The following PLEKHG4B variants were observed in gnomAD, a reference collection of about 807,000 sequenced individuals.
PLEKHG4B encodes pleckstrin homology domain-containing family G member 4B.
A neutral mutation model predicts 121.3 loss-of-function variants in PLEKHG4B; 111 were observed. That is an observed-to-expected ratio of 0.92 (90% CI 0.78 to 1.07). The LOEUF (loss-of-function observed/expected upper bound fraction) is 1.07. Ranked by LOEUF, PLEKHG4B falls within the 50% of genes least tolerant of loss-of-function variation. The pLI is 0.00. For synonymous variants in PLEKHG4B, 738 were observed against 725.0 expected, an observed-to-expected ratio of 1.02 and a Z score of -0.29; for missense variants, 1,831 against 1,757.8, an observed-to-expected ratio of 1.04 and a Z score of -0.74.
chr5:180,625 T>C (rs1736901624), intron 18 of PLEKHG4B, among the ~76,000 whole-genome samples: 1 of 152,228 alleles, frequency 6.6e-6, no homozygotes, highest in African/African-American at 2.4e-5. Context: ...TTCTGGTTGT[T>C]CTTGGCCGTG....
At chr5:124,493 C>G (rs538751408) in intron 2 of PLEKHG4B, among the ~76,000 whole-genome samples, 66 of 152,284 alleles carry the variant, frequency 4.3e-4, no homozygotes, top group African/African-American at 1.5e-3. Context: ...ATTGAAGTCT[C>G]CAACAATTAT....
rs767955014 is a variant in PLEKHG4B, at chr5:143,471, C to G, written c.1779C>G (p.Thr593=). ...TREHSSCAEL[T]RLLLYFHSIP... ...AACACTCGTCCTGTGCTGAGCTGAC[C>G]CGCCTGCTGCTGTACTTCCATAGCA... The change falls in exon 5 of 20, where the codon ACC becomes ACG. Residue 593 remains threonine, a synonymous_variant. Transcript: ENST00000637938. 2.5e-6 allele frequency: 4 copies of G among 1,612,772 alleles called. No homozygotes were observed. The highest frequency in any genetic ancestry group is 2.7e-5 in the African/African-American group (2 of 74,934).
At chr5:181,392 G>T in intron 18 of PLEKHG4B, 122 bp from the exon 19 acceptor site, 1 of 1,017,404 alleles carries the variant, frequency 9.8e-7, no homozygotes, top group South Asian at 1.7e-5. Context: ...TCGTGGGGCA[G>T]GGTGGGTATA....
At chr5:110,201 A>C (rs1456895625) in intron 1 of PLEKHG4B, among the ~76,000 whole-genome samples, 1 of 145,352 alleles carries the variant, frequency 6.9e-6, no homozygotes, top group Admixed American at 6.9e-5. Flanking sequence ...GCACATGCAC[A>C]CATCCATACA....
intron 2 of PLEKHG4B, among the ~76,000 whole-genome samples, chr5:119,663 T>C (rs1276170202): frequency 6.6e-6 from 1 of 152,164 alleles, no homozygotes; most frequent in African/African-American, 2.4e-5. Flanking sequence ...GGAGAGACAG[T>C]GCCGTCCTAA....
In PLEKHG4B at chr5:153,145, T is replaced by G. The variant is rs377014253; in HGVS notation, c.1992+1546T>G. Among the ~76,000 whole-genome samples, 24 of 152,368 alleles carry G rather than the reference T, an allele frequency of 1.6e-4. No homozygotes were observed. In the East Asian group the frequency reaches 1.9e-3, roughly 12 times the overall value. ...ATTTCCAATGGATTTTAAAATATAT[T>G]TTCTACATCTCTCCTGAGTTTTCCT... On this transcript the variant is annotated intron_variant, in intron 7 of 19. Coordinates refer to ENST00000637938, the MANE Select transcript of PLEKHG4B (RefSeq NM_052909.5).
Position 152,706 on chromosome 5 carries a change from G to A in PLEKHG4B, c.1992+1107G>A, listed in dbSNP as rs372847007. Among the ~76,000 whole-genome samples the A allele has an allele frequency of 6.9e-4, 105 of 152,258 alleles. 1 individual carries two copies. Among genetic ancestry groups the A allele is most frequent in the African/African-American group, 2.4e-3 (100 of 41,548 alleles). On this transcript the variant is annotated intron_variant, in intron 7 of 19. Coordinates refer to ENST00000637938, the MANE Select transcript of PLEKHG4B (RefSeq NM_052909.5). ...TCCTTACTCTGTCATCTCTTCAGCTGTTAAACTCACTAATGTGGCTTGGCT... is the reference window on the plus strand; with the variant it reads ...TCCTTACTCTGTCATCTCTTCAGCTATTAAACTCACTAATGTGGCTTGGCT...
Position 172,984 on chromosome 5 carries a change from C to T in PLEKHG4B, c.4138C>T (p.Leu1380Phe). 2 of 1,614,114 alleles carry T rather than the reference C, an allele frequency of 1.2e-6. No homozygotes were observed. Among genetic ancestry groups the T allele is most frequent in the Non-Finnish European group, 1.7e-6 (2 of 1,180,012 alleles). Reference protein sequence around the residue: ...GRKKYLRHVFLFEDLILFSKT... With the variant: ...GRKKYLRHVFFFEDLILFSKT... ...GAAGAAGTATCTGAGGCATGTGTTC[C>T]TCTTTGAAGACCTCATCCTGTTTAG... The change falls in exon 17 of 20, where the codon CTC (leucine) becomes TTC (phenylalanine). Residue 1380 changes from leucine to phenylalanine, a missense_variant. Coordinates refer to ENST00000637938, the MANE Select transcript of PLEKHG4B (RefSeq NM_052909.5).
chr5:166,780 G>C (rs1736367465), intron 13 of PLEKHG4B, among the ~76,000 whole-genome samples: 1 of 152,212 alleles, frequency 6.6e-6, no homozygotes, highest in Admixed American at 6.5e-5. Flanking sequence ...GAACGGAGAA[G>C]GCCCAAGAAC....
chr5:101,752 C>G (rs1337879052), intron 1 of PLEKHG4B, among the ~76,000 whole-genome samples: 1 of 139,890 alleles, frequency 7.1e-6, no homozygotes, highest in Non-Finnish European at 1.5e-5. Context: ...TGAGGTTAAT[C>G]CATATAAAGC....
In PLEKHG4B at chr5:171,276, G is replaced by A; in HGVS notation, c.3882G>A (p.Gln1294=). Residue 1294 remains glutamine, a synonymous_variant, in exon 16 of 20, where the codon CAG becomes CAA. Transcript: ENST00000637938. ...CCTCCTACCTGCTGCGGCCCGTGCA[G>A]CGTGTGGCCAAGTACGCGCTGCTAC... is the stretch of plus-strand genomic sequence containing the variant. The part of the protein sequence containing the change: ...DLASYLLRPV[Q]RVAKYALLLQ... 1.9e-6 allele frequency: 3 copies of A among 1,611,808 alleles called. No homozygotes were observed. The highest frequency in any genetic ancestry group is 2.5e-6 in the Non-Finnish European group (3 of 1,179,326).
intron 6 of PLEKHG4B, 70 bp from the exon 7 acceptor site, chr5:151,443 T>C: frequency 9.8e-7 from 1 of 1,025,580 alleles, no homozygotes; most frequent in East Asian, 2.7e-5. Context: ...CACTCAAAAT[T>C]GGGCAATTCT....
chr5:174,964 A>G (rs1736709012), intron 18 of PLEKHG4B, among the ~76,000 whole-genome samples: 1 of 151,972 alleles, frequency 6.6e-6, no homozygotes, highest in South Asian at 2.1e-4. Context: ...CCCCATGGGC[A>G]CCCAAGAGGC....
intron 18 of PLEKHG4B, among the ~76,000 whole-genome samples, chr5:181,209 C>T (rs1010050234): frequency 2.6e-5 from 4 of 152,204 alleles, no homozygotes; most frequent in Non-Finnish European, 5.9e-5. Context: ...CTGTGTGGCC[C>T]TCCCTTGCTT....
In PLEKHG4B at chr5:157,144, G is replaced by A; in HGVS notation, c.2487+233G>A. On this transcript the variant is annotated intron_variant, in intron 11 of 19. Transcript: ENST00000637938. This position sits in a 1 kb window ranked among gnomAD's most constrained non-coding sequence, Gnocchi z 4.6. ...GAAAAAAAATTTGTTTAATCCAGAG[G>A]AGGCCAGGGAGAAAAATAATTTCAC... is the stretch of plus-strand genomic sequence containing the variant. The A allele has an allele frequency of 3.5e-6, 2 of 570,532 alleles. No individual in the cohort carries two copies. Among genetic ancestry groups the A allele is most frequent in the South Asian group, 4.0e-5 (2 of 50,048 alleles). The allele number at this position is 570,532 out of a possible 1,614,324, so 35.3% of individuals were successfully genotyped here. A position where few individuals can be genotyped will look rare whatever the true frequency, so the allele number is the denominator to read the frequency against.
At chr5:158,741 C>A (rs922004468) in intron 11 of PLEKHG4B, among the ~76,000 whole-genome samples, 28 of 143,896 alleles carry the variant, frequency 1.9e-4, no homozygotes, top group African/African-American at 7.3e-4. Context: ...TCTACTCCTT[C>A]CTGGGGTGTC....
In PLEKHG4B at chr5:144,846, G is replaced by A; in HGVS notation, c.1831G>A (p.Gly611Arg). 1 of 1,613,310 alleles carries A rather than the reference G, an allele frequency of 6.2e-7. No individual in the cohort carries two copies. The highest frequency in any genetic ancestry group is 2.2e-5 in the East Asian group (1 of 44,882). ...SIPRKEVRDL[G>R]LVVLVDARRS... The stretch of plus-strand genomic sequence containing the variant: ...CCCCAGGAAAGAGGTCCGGGACCTG[G>A]GGCTGGTTGTCCTGGTGGATGCACG... The change falls in exon 6 of 20, where the codon GGG becomes AGG. Residue 611 changes from glycine to arginine, a missense_variant. Coordinates refer to ENST00000637938, the MANE Select transcript of PLEKHG4B (RefSeq NM_052909.5).
At chr5:101,830 A>C (rs374814294) in intron 1 of PLEKHG4B, among the ~76,000 whole-genome samples, 3 of 78,608 alleles carry the variant, frequency 3.8e-5, no homozygotes, top group South Asian at 4.2e-4. Context: ...GAGAAAGTCT[A>C]TAGGGGAGAG....
At position 156,151 on chromosome 5, in the gene PLEKHG4B, G is replaced by A. The variant is rs1409264440; in HGVS notation, c.2289G>A (p.Leu763=). 1 of 1,594,882 alleles carries A rather than the reference G, an allele frequency of 6.3e-7. No homozygotes were observed. Among genetic ancestry groups the A allele is most frequent in the Non-Finnish European group, 8.5e-7 (1 of 1,170,910 alleles). The part of the protein sequence containing the change: ...LEDPLLVSLR[L]EGGTVLARLR... The stretch of plus-strand genomic sequence containing the variant: ...ACCCACTGCTTGTGTCTCTCAGGCT[G>A]GAGGGGGGCACCGTCCTGGCGCGGC... Residue 763 remains leucine, a synonymous_variant, in exon 10 of 20, where the codon CTG becomes CTA. Coordinates refer to ENST00000637938, the MANE Select transcript of PLEKHG4B (RefSeq NM_052909.5). This position sits in a 1 kb window ranked among gnomAD's most constrained non-coding sequence, Gnocchi z 4.4.
Sources: allele counts gnomAD v4.1 joint callset (sites outside exome capture counted in the v4.1 genomes callset), GRCh38; gene constraint gnomAD v4.1.1; non-coding constraint Gnocchi (gnomAD v3.1); transcripts MANE v1.5; gene names NCBI Gene and HGNC (gene_info 2026-07-23, HGNC 2026-07-21).